The following FHIT variants were observed in gnomAD, a reference collection of about 807,000 sequenced individuals.
The protein encoded by FHIT is bis(5'-adenosyl)-triphosphatase.
Under a neutral mutation model 17.9 loss-of-function variants are expected in FHIT, and 19 were observed. The observed-to-expected ratio is 1.06, with a 90% CI of 0.74 to 1.56. The LOEUF is 1.56. Ranked by LOEUF, FHIT falls within the 40% of genes most tolerant of loss-of-function variation. FHIT has a pLI of 0.00. For synonymous variants in FHIT, 81 were observed against 69.7 expected (o/e 1.16, Z -0.81); for missense variants, 248 against 189.2 (o/e 1.31, Z -1.82).
intron 5 of FHIT, among the ~76,000 whole-genome samples, chr3:60,332,199 A>C (rs1295344965): frequency 2.0e-5 from 3 of 152,208 alleles, no homozygotes; most frequent in African/African-American, 7.2e-5. Context: ...GATATCAGAA[A>C]ATGGTATGAG....
At chr3:60,364,831 G>T (rs536214988) in intron 5 of FHIT, among the ~76,000 whole-genome samples, 1 of 152,192 alleles carries the variant, frequency 6.6e-6, no homozygotes, top group South Asian at 2.1e-4. Flanking sequence ...TAGAGGAAGG[G>T]AAAATTCACT....
At chr3:59,880,245 T>A (rs887521521) in intron 8 of FHIT, among the ~76,000 whole-genome samples, 1 of 152,112 alleles carries the variant, frequency 6.6e-6, no homozygotes, top group Non-Finnish European at 1.5e-5. Flanking sequence ...CCAAGCGCCT[T>A]CCCTCCCCAA....
rs1308808381 is a variant in FHIT at position 60,765,344 on chromosome 3, CAT to C, written c.-18+56573_-18+56574del. ...CTCAAAAGGGAATTTGCCACAGAAT[CAT>C]AGATGTTCAAAATGTGAACCAAGCT... is the stretch of plus-strand genomic sequence containing the variant. On this transcript the variant is annotated intron_variant, in intron 4 of 9. Transcript: ENST00000492590. 2.0e-5 allele frequency among the ~76,000 whole-genome samples: 3 copies of C among 152,132 alleles called. No homozygotes were observed. The East Asian group carries it at 5.8e-4, about 29-fold the overall frequency.
intron 5 of FHIT, among the ~76,000 whole-genome samples, chr3:60,093,340 C>CTCACA (rs1703807925): frequency 6.6e-6 from 1 of 152,174 alleles, no homozygotes; most frequent in South Asian, 2.1e-4. Context: ...ACGAAACCAT[C>CTCACA]TCACATCACA....
chr3:60,937,451 TACA>T (rs1423589544), intron 3 of FHIT, among the ~76,000 whole-genome samples: 1 of 152,030 alleles, frequency 6.6e-6, no homozygotes, highest in Non-Finnish European at 1.5e-5. Flanking sequence ...TGTATCAAAA[TACA>T]GTGAAATGCT....
At chr3:60,651,812 T>C (rs2039998006) in intron 4 of FHIT, among the ~76,000 whole-genome samples, 1 of 152,220 alleles carries the variant, frequency 6.6e-6, no homozygotes, top group Admixed American at 6.5e-5. Flanking sequence ...TTCTTTGACA[T>C]GTGGCATATA....
chr3:60,420,805 G>T (rs1408589430), intron 5 of FHIT, among the ~76,000 whole-genome samples: 1 of 152,138 alleles, frequency 6.6e-6, no homozygotes, highest in East Asian at 1.9e-4. Flanking sequence ...CTCAGTGTTT[G>T]CATTTGCTTA....
chr3:60,543,673 G>A (rs567343999), intron 4 of FHIT, among the ~76,000 whole-genome samples: 1 of 151,922 alleles, frequency 6.6e-6, no homozygotes, highest in East Asian at 1.9e-4. Context: ...ATTTTTCTAC[G>A]TTCTTATAGC....
chr3:60,980,057 A>G (rs996054418), intron 3 of FHIT, among the ~76,000 whole-genome samples: 20 of 152,194 alleles, frequency 1.3e-4, no homozygotes, highest in African/African-American at 3.6e-4. Context: ...TCTCAAATTC[A>G]TCTACTCAAA....
intron 4 of FHIT, among the ~76,000 whole-genome samples, chr3:60,626,947 ATAATCATGT>A (rs1226715675): frequency 1.3e-5 from 2 of 152,130 alleles, no homozygotes; most frequent in Non-Finnish European, 2.9e-5. Context: ...GTCTATTGAT[ATAATCATGT>A]TGCTTTTATC....
At chr3:60,493,723 G>T (rs1269683900) in intron 5 of FHIT, among the ~76,000 whole-genome samples, 2 of 152,078 alleles carry the variant, frequency 1.3e-5, no homozygotes, top group Non-Finnish European at 2.9e-5. Flanking sequence ...GTTGAACAAA[G>T]TTCAATATTT....
chr3:60,590,893 T>C (rs2038062778), intron 4 of FHIT, among the ~76,000 whole-genome samples: 1 of 152,066 alleles, frequency 6.6e-6, no homozygotes, highest in Admixed American at 6.6e-5. Flanking sequence ...CTTGAGGGAA[T>C]CAGGGAAGGC....
At chr3:61,150,837 T>C (rs1476894753) in intron 2 of FHIT, among the ~76,000 whole-genome samples, 8 of 152,156 alleles carry the variant, frequency 5.3e-5, no homozygotes, top group African/African-American at 1.9e-4. Context: ...TTTGCATTCT[T>C]ATCTGTCAAA....
At chr3:60,552,680 TCATACC>T (rs748837268) in intron 4 of FHIT, among the ~76,000 whole-genome samples, 128 of 152,336 alleles carry the variant, frequency 8.4e-4, no homozygotes, top group Non-Finnish European at 1.5e-3. Flanking sequence ...TGATAAGTAT[TCATACC>T]TACTCCCTCT....
At chr3:60,302,591 T>C (rs1421675177) in intron 5 of FHIT, among the ~76,000 whole-genome samples, 2 of 152,172 alleles carry the variant, frequency 1.3e-5, no homozygotes, top group Admixed American at 1.3e-4. Context: ...AAAACAAATA[T>C]GGTTGATTAG....
intron 5 of FHIT, among the ~76,000 whole-genome samples, chr3:60,083,894 C>T (rs566312632): frequency 6.6e-6 from 1 of 152,184 alleles, no homozygotes; most frequent in South Asian, 2.1e-4. Context: ...TAGGGAGCTG[C>T]TAATAATAAC....
chr3:59,821,762 A>ATT (rs1288292292), intron 8 of FHIT, among the ~76,000 whole-genome samples: 1 of 152,078 alleles, frequency 6.6e-6, no homozygotes, highest in Non-Finnish European at 1.5e-5. Flanking sequence ...TTTTAAAAAA[A>ATT]ATATATAAAT....
chr3:60,399,376 G>A (rs895987316), intron 5 of FHIT, among the ~76,000 whole-genome samples: 3 of 152,096 alleles, frequency 2.0e-5, no homozygotes, highest in African/African-American at 7.2e-5. Context: ...CAAAAGATGA[G>A]CACAAAGGAA....
chr3:61,243,603 T>C (rs891434852), intron 1 of FHIT, among the ~76,000 whole-genome samples: 1 of 152,038 alleles, frequency 6.6e-6, no homozygotes, highest in Non-Finnish European at 1.5e-5. Context: ...TAAAAATGAG[T>C]GGTATTTTAT....
Sources: allele counts gnomAD v4.1 joint callset (sites outside exome capture counted in the v4.1 genomes callset), GRCh38; gene constraint gnomAD v4.1.1; transcripts MANE v1.5; gene names NCBI Gene and HGNC (gene_info 2026-07-23, HGNC 2026-07-21).